The following RSF1 variants were observed in gnomAD, a reference collection of about 807,000 sequenced individuals.
The protein encoded by RSF1 is HBV pX-associated protein 8.
RSF1 carries 13 observed loss-of-function variants against 145.2 expected under a neutral mutation model. The ratio of observed to expected loss-of-function variants is 0.09; its 90% CI spans 0.06 to 0.14. RSF1 has a LOEUF of 0.14. RSF1 is among the 10% of genes least tolerant of loss of function. The pLI, the probability that RSF1 is intolerant of heterozygous loss-of-function variation, is 1.00. For missense variants in RSF1, 1,517 were observed against 1,718.2 expected (o/e 0.88, Z 2.07); for synonymous variants, 577 against 592.6 (o/e 0.97, Z 0.38).
At chr11:77,808,795 A>C (rs1333193927) in intron 1 of RSF1, among the ~76,000 whole-genome samples, 2 of 104,388 alleles carry the variant, frequency 1.9e-5, no homozygotes, top group African/African-American at 9.7e-5. Flanking sequence ...GGCCTCCCAA[A>C]GTGCTGGGAT....
At chr11:77,815,190 G>C (rs1169616366) in intron 1 of RSF1, among the ~76,000 whole-genome samples, 2 of 152,232 alleles carry the variant, frequency 1.3e-5, no homozygotes, top group Non-Finnish European at 2.9e-5. Flanking sequence ...GAGCAAAAAT[G>C]TTTAAAAGTT....
intron 15 of RSF1, 41 bp downstream of exon 15, chr11:77,672,001 G>T: frequency 6.7e-7 from 1 of 1,496,042 alleles, no homozygotes; most frequent in Non-Finnish European, 9.1e-7. Context: ...TGTCTATTTT[G>T]CCCTGTCCAA....
chr11:77,840,959 C>A, the RSF1 span: 1 of 486,842 alleles, frequency 2.1e-6, no homozygotes, highest in Non-Finnish European at 3.7e-6. Flanking sequence ...GCTCCTATAA[C>A]TGAATACCTG....
chr11:77,750,712 G>A (rs944911440), intron 2 of RSF1, among the ~76,000 whole-genome samples: 12 of 152,152 alleles, frequency 7.9e-5, no homozygotes, highest in Non-Finnish European at 1.2e-4. Flanking sequence ...ACCAAGAAGC[G>A]TTATAATTAT....
intron 9 of RSF1, among the ~76,000 whole-genome samples, chr11:77,687,969 A>T (rs1960054060): frequency 6.6e-6 from 1 of 152,198 alleles, no homozygotes; most frequent in South Asian, 2.1e-4. Context: ...AGAAATTCTT[A>T]GTGGTTTACA....
At chr11:77,868,823 G>T in the RSF1 span, 1 of 210,414 alleles carries the variant, frequency 4.8e-6, no homozygotes, top group Non-Finnish European at 1.1e-5. Context: ...ATTTGAACCC[G>T]GGTACCTTTC....
chr11:77,698,112 C>T (rs1960327526), intron 7 of RSF1, among the ~76,000 whole-genome samples: 1 of 152,188 alleles, frequency 6.6e-6, no homozygotes. Flanking sequence ...ACCTGAGTAG[C>T]TGGAACTACT....
the RSF1 span, chr11:77,872,151 C>G: frequency 1.9e-6 from 3 of 1,606,366 alleles, no homozygotes; most frequent in African/African-American, 4.0e-5. Flanking sequence ...CCCCTACTTA[C>G]TCATCTCTTT....
At chr11:77,842,157 TTTC>T in the RSF1 span, among the ~76,000 whole-genome samples, 1 of 152,282 alleles carries the variant, frequency 6.6e-6, no homozygotes, top group East Asian at 1.9e-4. Flanking sequence ...AGCTTTATAG[TTTC>T]TTCTTGGGGA....
chr11:77,774,302 G>A (rs1000560616), intron 1 of RSF1, among the ~76,000 whole-genome samples: 1 of 152,180 alleles, frequency 6.6e-6, no homozygotes, highest in Non-Finnish European at 1.5e-5. Flanking sequence ...TCTGCAGACA[G>A]CTAGAAAAGA....
In RSF1 at chr11:77,676,881, T is replaced by C; in HGVS notation, c.3252A>G (p.Arg1084=). The stretch of plus-strand genomic sequence containing the variant: ...CATTTAATCGCCGGCGTTTCTTCCT[T>C]CGAGCAGCAGCTGCCCTCTGGGGTC... ...NKRPQRAAAA[R]RKKRRRLNDL... Residue 1084 remains arginine, a synonymous_variant, in exon 13 of 16, where the codon CGA becomes CGG. Transcript: ENST00000308488. 1 of 1,614,122 alleles carries C rather than the reference T, an allele frequency of 6.2e-7. No individual in the cohort carries two copies. The highest frequency in any genetic ancestry group is 1.1e-5 in the South Asian group (1 of 91,082).
At chr11:77,673,448 A>G (rs1959608715) in intron 14 of RSF1, among the ~76,000 whole-genome samples, 1 of 152,256 alleles carries the variant, frequency 6.6e-6, no homozygotes, top group Admixed American at 6.5e-5. Context: ...ATAGCTAGCC[A>G]ATAGGTTGAA....
rs1161636306 is a variant in RSF1 at position 77,662,199 on chromosome 11, T to C, written c.*4718A>G. On this transcript the variant is annotated 3_prime_UTR_variant, in exon 16 of 16. Transcript: ENST00000308488. ...CCTCTTATATAACTTATGTATAGGA[T>C]AGTCATATTTTAAAGTTATTAAAAT... 6.6e-6 allele frequency: 1 copy of C among 152,148 alleles called. No individual in the cohort carries two copies. The highest frequency in any genetic ancestry group is 2.4e-5 in the African/African-American group (1 of 41,446). The allele number at this position is 152,148 out of a possible 1,614,324, so 9.4% of individuals were successfully genotyped here.
chr11:77,695,157 T>C (rs1203985678), intron 7 of RSF1, among the ~76,000 whole-genome samples: 1 of 152,208 alleles, frequency 6.6e-6, no homozygotes, highest in Non-Finnish European at 1.5e-5. Flanking sequence ...TCTAGAAGTA[T>C]GAGTATCAAA....
At chr11:77,846,073 C>T in the RSF1 span, among the ~76,000 whole-genome samples, 685 of 152,202 alleles carry the variant, frequency 4.5e-3, 1 homozygote, top group Non-Finnish European at 7.7e-3. Context: ...TCAACTCCCC[C>T]TCCCATTCTG....
At chr11:77,798,475 G>A (rs546785901) in intron 1 of RSF1, among the ~76,000 whole-genome samples, 15 of 151,066 alleles carry the variant, frequency 9.9e-5, no homozygotes, top group African/African-American at 3.2e-4. Context: ...CAGCTCCTTG[G>A]AAGGCTGAGG....
the RSF1 span, chr11:77,872,108 C>T: frequency 6.6e-7 from 1 of 1,521,844 alleles, no homozygotes; most frequent in Non-Finnish European, 8.9e-7. Flanking sequence ...ACACCTGCCT[C>T]ATGGCAGTAA....
At chr11:77,781,677 G>C (rs764347525) in intron 1 of RSF1, among the ~76,000 whole-genome samples, 1 of 152,056 alleles carries the variant, frequency 6.6e-6, no homozygotes, top group Non-Finnish European at 1.5e-5. Flanking sequence ...ATAGTGTTCT[G>C]GAAATATCAA....
At chr11:77,767,674 A>G (rs1948239545) in intron 1 of RSF1, among the ~76,000 whole-genome samples, 1 of 152,210 alleles carries the variant, frequency 6.6e-6, no homozygotes, top group East Asian at 1.9e-4. Flanking sequence ...TCTAGGCAAT[A>G]CAAGTCCCGA....
Sources: gnomAD v4.1 joint callset for allele counts (sites outside exome capture counted in the v4.1 genomes callset) on GRCh38, gnomAD v4.1.1 for gene constraint, MANE v1.5 for transcripts, NCBI Gene and HGNC (gene_info 2026-07-23, HGNC 2026-07-21) for gene names.